PICALM: variants seen among roughly 807,000 people sequenced by gnomAD.
PICALM encodes the protein phosphatidylinositol-binding clathrin assembly protein.
PICALM carries 40 observed loss-of-function variants against 80.5 expected under a neutral mutation model. That is an observed-to-expected ratio of 0.50 (90% CI 0.39 to 0.65). The LOEUF is 0.65. Among genes scored for constraint, PICALM ranks in the 30% least tolerant of loss-of-function variants. PICALM has a pLI of 0.00. For synonymous variants in PICALM, 288 were observed against 260.3 expected, an observed-to-expected ratio of 1.11 and a Z score of -1.02; for missense variants, 676 against 778.9, an observed-to-expected ratio of 0.87 and a Z score of 1.57.
chr11:85,964,198 T>C (rs1024466096), intron 19 of PICALM, among the ~76,000 whole-genome samples: 3 of 152,100 alleles, frequency 2.0e-5, no homozygotes, highest in African/African-American at 7.2e-5. Context: ...TGGTTGGATA[T>C]TTAGGAAAAA....
intron 9 of PICALM, 22 bp downstream of exon 9, chr11:86,003,344 T>C (rs1423401455): frequency 6.9e-7 from 1 of 1,447,868 alleles, no homozygotes; most frequent in South Asian, 1.2e-5. Context: ...TCTGGCTTTT[T>C]GGCCTACAAA....
intron 1 of PICALM, among the ~76,000 whole-genome samples, chr11:86,065,071 T>G (rs955699778): frequency 3.3e-5 from 5 of 151,878 alleles, no homozygotes; most frequent in Non-Finnish European, 7.4e-5. Flanking sequence ...AGCAAGACCC[T>G]GTATCCAAAA....
intron 1 of PICALM, among the ~76,000 whole-genome samples, chr11:86,046,259 A>G (rs1397758432): frequency 6.6e-6 from 1 of 152,198 alleles, no homozygotes; most frequent in Non-Finnish European, 1.5e-5. Context: ...CAACTGTACT[A>G]TAACAAGACT....
chr11:85,978,192 T>C, intron 17 of PICALM: 1 of 976,180 alleles, frequency 1.0e-6, no homozygotes, highest in Non-Finnish European at 1.7e-6. Context: ...TTAGTTCACA[T>C]GTACATTCAC....
chr11:86,019,451 A>G (rs550320430), intron 4 of PICALM, among the ~76,000 whole-genome samples: 1 of 152,316 alleles, frequency 6.6e-6, no homozygotes, highest in African/African-American at 2.4e-5. Context: ...GCTCTATTAA[A>G]TAAAAAAATT....
intron 12 of PICALM, among the ~76,000 whole-genome samples, chr11:85,991,061 C>T (rs2135916218): frequency 6.6e-6 from 1 of 152,144 alleles, no homozygotes; most frequent in South Asian, 2.1e-4. Context: ...TGTTGTTTGC[C>T]TACTAGAATG....
intron 6 of PICALM, among the ~76,000 whole-genome samples, chr11:86,011,796 C>T (rs905437693): frequency 1.3e-5 from 2 of 151,500 alleles, no homozygotes; most frequent in Non-Finnish European, 2.9e-5. Context: ...TGTTTTTTTC[C>T]CATCTTTTTT....
At chr11:86,056,136 A>AAAAAAAAAAAAAAAAAAAAAG (rs1431366654) in intron 1 of PICALM, among the ~76,000 whole-genome samples, 1 of 139,050 alleles carries the variant, frequency 7.2e-6, no homozygotes, top group Non-Finnish European at 1.6e-5. Flanking sequence ...CTCTGTCTTT[A>AAAAAAAAAAAAAAAAAAAAAG]AAAAAAAAAA....
At chr11:86,052,290 G>T (rs1036470665) in intron 1 of PICALM, among the ~76,000 whole-genome samples, 12 of 152,078 alleles carry the variant, frequency 7.9e-5, no homozygotes, top group Admixed American at 3.9e-4. Flanking sequence ...AGTTTCCTGA[G>T]GTCTCCCTGG....
intron 1 of PICALM, among the ~76,000 whole-genome samples, chr11:86,049,969 G>A (rs1466163316): frequency 6.6e-6 from 1 of 151,820 alleles, no homozygotes; most frequent in African/African-American, 2.4e-5. Flanking sequence ...GGAGGTCAAC[G>A]TGGGTGGATC....
intron 1 of PICALM, among the ~76,000 whole-genome samples, chr11:86,053,046 T>C (rs892312046): frequency 1.9e-4 from 29 of 152,222 alleles, no homozygotes; most frequent in African/African-American, 6.3e-4. Context: ...TTTAACATCA[T>C]TTGATCTGTA....
At chr11:86,013,791 A>G (rs867358707) in intron 5 of PICALM, among the ~76,000 whole-genome samples, 2 of 152,148 alleles carry the variant, frequency 1.3e-5, no homozygotes, top group South Asian at 4.1e-4. Flanking sequence ...TTTTTTTTGT[A>G]AAGGGTCAGA....
chr11:86,059,237 A>T (rs1433601944), intron 1 of PICALM, among the ~76,000 whole-genome samples: 1 of 152,216 alleles, frequency 6.6e-6, no homozygotes. Context: ...ATAATCATTC[A>T]ATATTTACTG....
At chr11:86,038,051 G>A (rs2095874222) in intron 1 of PICALM, among the ~76,000 whole-genome samples, 1 of 152,248 alleles carries the variant, frequency 6.6e-6, no homozygotes, top group African/African-American at 2.4e-5. Flanking sequence ...CAGGCATGGA[G>A]GCTTACGCCT....
intron 2 of PICALM, 132 bp downstream of exon 2, chr11:86,031,337 G>T (rs2095748042): frequency 1.5e-6 from 1 of 649,688 alleles, no homozygotes; most frequent in Non-Finnish European, 2.5e-6. Context: ...AAATTACAGG[G>T]TCTATAATTA....
Position 86,007,322 on chromosome 11 carries a change from A to T in PICALM, c.807+220T>A, listed in dbSNP as rs117678905. The T allele has an allele frequency of 9.5e-3, 2,785 of 291,750 alleles. 89 individuals are homozygous for T. Among genetic ancestry groups the T allele is most frequent in the East Asian group, 0.039 (672 of 17,134 alleles). The allele number at this position is 291,750 out of a possible 1,614,324, so 18.1% of individuals were successfully genotyped here. On this transcript the variant is annotated intron_variant, in intron 8 of 19. Coordinates refer to ENST00000393346, the MANE Select transcript of PICALM (RefSeq NM_007166.4). ...GAAAGAGTGATTGAAGAGATTAAATAAATGGTATGACAGTGGGTAGGCAAC... is the reference window on the plus strand; with the variant it reads ...GAAAGAGTGATTGAAGAGATTAAATTAATGGTATGACAGTGGGTAGGCAAC...
chr11:86,064,680 C>T (rs892176942), intron 1 of PICALM, among the ~76,000 whole-genome samples: 1 of 144,710 alleles, frequency 6.9e-6, no homozygotes, highest in South Asian at 2.2e-4. Flanking sequence ...GGAGACATTA[C>T]AGCCATTAGT....
In PICALM at chr11:86,007,352, A is replaced by G. The variant is rs1013526001; in HGVS notation, c.807+190T>C. On this transcript the variant is annotated intron_variant, in intron 8 of 19. Transcript: ENST00000393346. Reference sequence around the variant, plus strand: ...GTATGACAGTGGGTAGGCAACAAATATAAGTGGTAAGCAGATCATTTTACG... The same window carrying G: ...GTATGACAGTGGGTAGGCAACAAATGTAAGTGGTAAGCAGATCATTTTACG... The G allele has an allele frequency of 9.8e-5, 35 of 358,314 alleles. No homozygotes were observed. In the East Asian group the frequency reaches 1.5e-3, roughly 16 times the overall value. The allele number at this position is 358,314 out of a possible 1,614,324, so 22.2% of individuals were successfully genotyped here.
chr11:86,059,299 A>G (rs777962805), intron 1 of PICALM, among the ~76,000 whole-genome samples: 16 of 152,236 alleles, frequency 1.1e-4, no homozygotes, highest in Non-Finnish European at 2.1e-4. Context: ...ATAGAGAACA[A>G]TACCGAAAAC....
Sources: allele counts gnomAD v4.1 joint callset (sites outside exome capture counted in the v4.1 genomes callset), GRCh38; gene constraint gnomAD v4.1.1; transcripts MANE v1.5; gene names NCBI Gene and HGNC (gene_info 2026-07-23, HGNC 2026-07-21).